EXOC4: variants seen among roughly 807,000 people sequenced by gnomAD.
EXOC4 encodes SEC8-like 1.
Under a neutral mutation model 107.2 loss-of-function variants are expected in EXOC4, and 71 were observed. The ratio of observed to expected loss-of-function variants is 0.66; its 90% CI spans 0.55 to 0.81. The LOEUF is 0.81. EXOC4 is among the 30% of genes least tolerant of loss of function. The pLI is 0.00. For synonymous variants in EXOC4, 456 were observed against 441.2 expected (o/e 1.03, Z -0.42); for missense variants, 1,108 against 1,189.6 (o/e 0.93, Z 1.01).
Position 133,553,560 on chromosome 7 carries a change from C to T in EXOC4, c.1417+73422C>T, listed in dbSNP as rs547833303. ...ATGTGCTGTTATTTCTACCTAAAATCCTTTCTCCCTTCTAACCTCATAATG... is the reference window on the plus strand; with the variant it reads ...ATGTGCTGTTATTTCTACCTAAAATTCTTTCTCCCTTCTAACCTCATAATG... On this transcript the variant is annotated intron_variant, in intron 9 of 17. Transcript: ENST00000253861. Among the ~76,000 whole-genome samples, 5 of 152,244 alleles carry T rather than the reference C, an allele frequency of 3.3e-5. No homozygotes were observed. The South Asian group carries it at 1.0e-3, about 32-fold the overall frequency.
At chr7:133,922,654 T>C (rs895428443) in intron 13 of EXOC4, among the ~76,000 whole-genome samples, 1 of 152,134 alleles carries the variant, frequency 6.6e-6, no homozygotes, top group Admixed American at 6.5e-5. Flanking sequence ...GAGACCATCT[T>C]GCCTAACACG....
At chr7:133,919,625 A>C (rs980790671) in intron 13 of EXOC4, among the ~76,000 whole-genome samples, 1 of 152,158 alleles carries the variant, frequency 6.6e-6, no homozygotes, top group African/African-American at 2.4e-5. Flanking sequence ...ATATACTTGA[A>C]ATCATACAGT....
intron 7 of EXOC4, among the ~76,000 whole-genome samples, chr7:133,391,524 G>A (rs1796853265): frequency 1.3e-5 from 2 of 152,168 alleles, no homozygotes; most frequent in Admixed American, 6.5e-5. Context: ...ATAGACAAAC[G>A]GGTAGGAGTC....
intron 6 of EXOC4, among the ~76,000 whole-genome samples, chr7:133,372,496 A>G (rs901894731): frequency 6.6e-6 from 1 of 152,056 alleles, no homozygotes; most frequent in Non-Finnish European, 1.5e-5. Flanking sequence ...TATTTCCAAG[A>G]TGTTAATAGA....
chr7:133,331,716 C>T lies in EXOC4; in HGVS notation c.763+14326C>T, dbSNP rs183141402. 3.0e-3 allele frequency among the ~76,000 whole-genome samples: 454 copies of T among 152,152 alleles called. 6 individuals carry two copies. Among genetic ancestry groups the T allele is most frequent in the Non-Finnish European group, 3.8e-3 (257 of 67,994 alleles). On this transcript the variant is annotated intron_variant, in intron 5 of 17. Transcript: ENST00000253861. ...TCCTGACCTTGTGATCCGCCCGCCTCGGCCTCCCAAAGTGAGGTATTATCT... is the reference window on the plus strand; with the variant it reads ...TCCTGACCTTGTGATCCGCCCGCCTTGGCCTCCCAAAGTGAGGTATTATCT...
chr7:134,080,757 T>C, the EXOC4 span, among the ~76,000 whole-genome samples: 32 of 151,740 alleles, frequency 2.1e-4, no homozygotes, highest in African/African-American at 7.8e-4. Flanking sequence ...CCAGGCAACA[T>C]AGCAAGACCC....
intron 9 of EXOC4, among the ~76,000 whole-genome samples, chr7:133,550,726 G>T (rs190774157): frequency 6.6e-6 from 1 of 152,100 alleles, no homozygotes; most frequent in African/African-American, 2.4e-5. Context: ...ACAAATGAGG[G>T]CATGTTCCTA....
chr7:134,018,431 C>A (rs903450701), intron 17 of EXOC4, among the ~76,000 whole-genome samples: 4 of 152,072 alleles, frequency 2.6e-5, no homozygotes, highest in African/African-American at 9.7e-5. Context: ...GGAAGAAAGC[C>A]CTTCTCTTCA....
At chr7:133,627,307 G>A (rs754542042) in intron 9 of EXOC4, among the ~76,000 whole-genome samples, 4 of 152,230 alleles carry the variant, frequency 2.6e-5, no homozygotes, top group Non-Finnish European at 4.4e-5. Context: ...CGCATGCATA[G>A]AGCGCAACTA....
At chr7:133,576,959 T>A in intron 9 of EXOC4, 2 of 929,438 alleles carry the variant, frequency 2.2e-6, no homozygotes, top group Non-Finnish European at 1.5e-6. Flanking sequence ...GGTAGGTGAG[T>A]GAGAGTGAGA....
intron 14 of EXOC4, among the ~76,000 whole-genome samples, chr7:133,939,780 A>C (rs184373995): frequency 9.2e-5 from 14 of 152,340 alleles, no homozygotes; most frequent in African/African-American, 3.1e-4. Flanking sequence ...ACTTTTGAGC[A>C]GATTTTACAT....
intron 10 of EXOC4, among the ~76,000 whole-genome samples, chr7:133,697,090 AG>A: frequency 6.6e-6 from 1 of 152,304 alleles, no homozygotes; most frequent in South Asian, 2.1e-4. Flanking sequence ...CTCATACTAT[AG>A]GGTAAGGCTT....
At chr7:133,835,884 C>A (rs1327483878) in intron 11 of EXOC4, among the ~76,000 whole-genome samples, 1 of 152,156 alleles carries the variant, frequency 6.6e-6, no homozygotes, top group African/African-American at 2.4e-5. Flanking sequence ...ACCAAGCTAA[C>A]TGGCTCATGA....
At chr7:133,839,130 G>A (rs1231391322) in intron 11 of EXOC4, among the ~76,000 whole-genome samples, 1 of 152,136 alleles carries the variant, frequency 6.6e-6, no homozygotes, top group Non-Finnish European at 1.5e-5. Context: ...CTTAGAATAA[G>A]GTGAGAGGCA....
At chr7:134,088,934 T>C in the EXOC4 span, among the ~76,000 whole-genome samples, 1,325 of 152,274 alleles carry the variant, frequency 8.7e-3, 16 homozygotes, top group East Asian at 0.031. Flanking sequence ...TTTGTGTTAG[T>C]GTACTATTAC....
rs544512947 is a variant in EXOC4 at position 133,895,963 on chromosome 7, C to A, written c.1871+228C>A. On this transcript the variant is annotated intron_variant, in intron 12 of 17. Transcript: ENST00000253861. ...CCACTAGGACTACCAATGCATGGCT[C>A]AGATTATGTGTCAGCCTTGATGTTC... Among the ~76,000 whole-genome samples the A allele has an allele frequency of 2.6e-5, 4 of 152,262 alleles. No homozygotes were observed. The East Asian group carries it at 7.7e-4, about 29-fold the overall frequency.
At chr7:133,847,148 G>C (rs901262718) in intron 11 of EXOC4, among the ~76,000 whole-genome samples, 5 of 152,008 alleles carry the variant, frequency 3.3e-5, no homozygotes, top group African/African-American at 1.2e-4. Flanking sequence ...TCTCTGTGGT[G>C]AGAATATTCA....
At chr7:133,312,014 A>G (rs1449826621) in intron 4 of EXOC4, among the ~76,000 whole-genome samples, 1 of 152,208 alleles carries the variant, frequency 6.6e-6, no homozygotes, top group African/African-American at 2.4e-5. Flanking sequence ...CTTTTTGGAA[A>G]ATAAATTTGC....
chr7:133,414,523 A>G (rs1345939), intron 7 of EXOC4, among the ~76,000 whole-genome samples: 124,006 of 152,048 alleles, frequency 0.82, 50,781 homozygotes, highest in East Asian at 0.95. Context: ...AAGGGTGTTC[A>G]TTGTAGCACT....
Sources: gnomAD v4.1 joint callset for allele counts (sites outside exome capture counted in the v4.1 genomes callset) on GRCh38, gnomAD v4.1.1 for gene constraint, MANE v1.5 for transcripts, NCBI Gene and HGNC (gene_info 2026-07-23, HGNC 2026-07-21) for gene names.